TNFSF4: variants seen among roughly 807,000 people sequenced by gnomAD.
The protein encoded by TNFSF4 is TNF superfamily member 4, also known as tumor necrosis factor ligand superfamily member 4.
Under a neutral mutation model 7.3 loss-of-function variants are expected in TNFSF4, and 4 were observed. The ratio of observed to expected loss-of-function variants is 0.55; its 90% CI spans 0.27 to 1.25. TNFSF4 has a LOEUF of 1.25. TNFSF4 is among the 50% of genes most tolerant of loss of function. The pLI is 0.12. For synonymous variants in TNFSF4, 76 were observed against 83.7 expected, an observed-to-expected ratio of 0.91 and a Z score of 0.50; for missense variants, 181 against 208.8, an observed-to-expected ratio of 0.87 and a Z score of 0.82.
chr1:173,398,866 T>C, the TNFSF4 span, among the ~76,000 whole-genome samples: 6 of 152,224 alleles, frequency 3.9e-5, no homozygotes, highest in Non-Finnish European at 7.3e-5. Flanking sequence ...CTTTGGATTC[T>C]GGAGGCAACA....
the TNFSF4 span, among the ~76,000 whole-genome samples, chr1:173,232,819 C>T: frequency 1.3e-5 from 2 of 151,970 alleles, no homozygotes; most frequent in South Asian, 2.1e-4. Context: ...GGGATGAGGC[C>T]CACTTGATCA....
the TNFSF4 span, among the ~76,000 whole-genome samples, chr1:173,336,153 G>T: frequency 4.7e-4 from 72 of 152,278 alleles, no homozygotes; most frequent in South Asian, 3.5e-3. Flanking sequence ...TACTATGGTG[G>T]GAAAGGCCAA....
downstream of TNFSF4, among the ~76,000 whole-genome samples, chr1:173,180,853 A>C (rs1649044054): frequency 6.6e-6 from 1 of 152,206 alleles, no homozygotes; most frequent in African/African-American, 2.4e-5. Flanking sequence ...CATGATAGCA[A>C]CAAGTATTTG....
the TNFSF4 span, among the ~76,000 whole-genome samples, chr1:173,231,615 T>C: frequency 6.6e-6 from 1 of 151,236 alleles, no homozygotes; most frequent in Non-Finnish European, 1.5e-5. Context: ...GCAGGACAAA[T>C]AAATAAAAGG....
Position 173,186,590 on chromosome 1 carries a change from G to A in TNFSF4, c.478C>T (p.Leu160=), listed in dbSNP as rs377655834. ...YLNVTTDNTS[L]DDFHVNGGEL... ...CCGCCATTCACATGGAAGTCATCCA[G>A]GGAGGTATTGTCAGTGGTCACATTC... Residue 160 remains leucine, a synonymous_variant, in exon 3 of 3, where the codon CTG becomes TTG. Transcript: ENST00000281834. 1.3e-4 allele frequency: 209 copies of A among 1,614,072 alleles called. No homozygotes were observed. Among genetic ancestry groups the A allele is most frequent in the Non-Finnish European group, 1.7e-4 (196 of 1,180,028 alleles).
At chr1:173,433,547 A>AT in the TNFSF4 span, among the ~76,000 whole-genome samples, 1 of 151,470 alleles carries the variant, frequency 6.6e-6, no homozygotes, top group Non-Finnish European at 1.5e-5. Context: ...ATACAAAAAA[A>AT]AAAAAATACT....
the TNFSF4 span, among the ~76,000 whole-genome samples, chr1:173,411,448 A>G: frequency 6.6e-6 from 1 of 152,358 alleles, no homozygotes; most frequent in East Asian, 1.9e-4. Flanking sequence ...ATCCTCTAGA[A>G]TATAAATTCC....
the TNFSF4 span, among the ~76,000 whole-genome samples, chr1:173,352,656 A>G: frequency 2.0e-5 from 3 of 152,246 alleles, no homozygotes; most frequent in African/African-American, 7.2e-5. Flanking sequence ...GGATGAAACT[A>G]GAATTACTAA....
At chr1:173,242,129 C>T in the TNFSF4 span, among the ~76,000 whole-genome samples, 4 of 152,062 alleles carry the variant, frequency 2.6e-5, no homozygotes, top group African/African-American at 9.7e-5. Flanking sequence ...AAAATGTGCC[C>T]CTCCCAGCCT....
chr1:173,250,547 C>T, the TNFSF4 span, among the ~76,000 whole-genome samples: 4 of 151,824 alleles, frequency 2.6e-5, no homozygotes, highest in African/African-American at 9.7e-5. Context: ...GCAAGCTCCG[C>T]CTCCCGGGTT....
At chr1:173,373,772 G>A in the TNFSF4 span, among the ~76,000 whole-genome samples, 1 of 152,194 alleles carries the variant, frequency 6.6e-6, no homozygotes, top group Admixed American at 6.5e-5. Flanking sequence ...AATACTTGTT[G>A]GTCTGTGCTG....
chr1:173,434,978 C>T, the TNFSF4 span, among the ~76,000 whole-genome samples: 1 of 152,154 alleles, frequency 6.6e-6, no homozygotes, highest in Non-Finnish European at 1.5e-5. Flanking sequence ...AACTGGAGTG[C>T]TGGGCATGAA....
At chr1:173,258,304 T>G in the TNFSF4 span, among the ~76,000 whole-genome samples, 1 of 151,200 alleles carries the variant, frequency 6.6e-6, no homozygotes, top group Non-Finnish European at 1.5e-5. Context: ...TGGGACTAAC[T>G]AGGTGGTTAG....
the TNFSF4 span, among the ~76,000 whole-genome samples, chr1:173,258,641 G>A: frequency 1.8e-4 from 27 of 152,282 alleles, no homozygotes; most frequent in South Asian, 1.7e-3. Context: ...TGCTGTCACC[G>A]TGGCTCCAGT....
At chr1:173,448,504 C>T in the TNFSF4 span, among the ~76,000 whole-genome samples, 26 of 152,000 alleles carry the variant, frequency 1.7e-4, no homozygotes, top group Admixed American at 1.1e-3. Flanking sequence ...GGGCTGAGTC[C>T]GAAAAGAGAG....
chr1:173,233,249 T>G, the TNFSF4 span, among the ~76,000 whole-genome samples: 3,340 of 152,088 alleles, frequency 0.022, 49 homozygotes, highest in Non-Finnish European at 0.036. Flanking sequence ...ATCAAATGAA[T>G]GAAATGAAGC....
the TNFSF4 span, among the ~76,000 whole-genome samples, chr1:173,425,994 G>A: frequency 6.6e-6 from 1 of 152,234 alleles, no homozygotes; most frequent in African/African-American, 2.4e-5. Flanking sequence ...CTGATTAACT[G>A]GAGAAAAGGC....
chr1:173,312,574 T>C, the TNFSF4 span, among the ~76,000 whole-genome samples: 2 of 152,104 alleles, frequency 1.3e-5, no homozygotes, highest in African/African-American at 4.8e-5. Context: ...TTCTTACTAA[T>C]GAAGATAATG....
At chr1:173,257,239 C>G in the TNFSF4 span, among the ~76,000 whole-genome samples, 1 of 152,252 alleles carries the variant, frequency 6.6e-6, no homozygotes. Context: ...TGATGTTAAT[C>G]TAGTCCCTCT....
Sources: allele counts gnomAD v4.1 joint callset (sites outside exome capture counted in the v4.1 genomes callset), GRCh38; gene constraint gnomAD v4.1.1; transcripts MANE v1.5; gene names NCBI Gene and HGNC (gene_info 2026-07-23, HGNC 2026-07-21).